Variants in OSBPL8 observed in about 807,000 individuals in gnomAD.
OSBPL8 encodes oxysterol-binding protein-related protein 8.
Under a neutral mutation model 125.5 loss-of-function variants are expected in OSBPL8, and 59 were observed. That is an observed-to-expected ratio of 0.47 (90% CI 0.38 to 0.58). OSBPL8 has a LOEUF of 0.58. Among genes scored for constraint, OSBPL8 ranks in the 20% least tolerant of loss-of-function variants. The pLI is 0.00. For missense variants in OSBPL8, 758 were observed against 1,047.8 expected, an observed-to-expected ratio of 0.72 and a Z score of 3.82; for synonymous variants, 330 against 338.9, an observed-to-expected ratio of 0.97 and a Z score of 0.29.
At chr12:76,513,846 T>C (rs903247099) in intron 1 of OSBPL8, among the ~76,000 whole-genome samples, 2 of 151,928 alleles carry the variant, frequency 1.3e-5, no homozygotes, top group African/African-American at 4.8e-5. Flanking sequence ...GGTGAGTCTT[T>C]TGAAGACAGC....
rs184262293 is a variant in OSBPL8 at position 76,458,253 on chromosome 12, G to A, written c.79+1606C>T. 2.0e-3 allele frequency among the ~76,000 whole-genome samples: 299 copies of A among 152,232 alleles called. 1 individual carries two copies. The highest frequency in any genetic ancestry group is 6.8e-3 in the African/African-American group (283 of 41,530). On this transcript the variant is annotated intron_variant, in intron 3 of 23. Coordinates refer to ENST00000261183, the MANE Select transcript of OSBPL8 (RefSeq NM_020841.5). ...TGTGCCACTGCACTCCAGCCTGGGT[G>A]TCAGAGTAAAACCCTGTCTCAAGAA...
At chr12:76,373,473 T>C in intron 17 of OSBPL8, 40 bp from the exon 18 acceptor site, 1 of 1,418,578 alleles carries the variant, frequency 7.0e-7, no homozygotes, top group Non-Finnish European at 9.8e-7. Context: ...ACTTTTCACT[T>C]ATATTTACAT....
intron 1 of OSBPL8, among the ~76,000 whole-genome samples, chr12:76,494,807 G>A (rs1011091906): frequency 5.9e-5 from 9 of 152,110 alleles, no homozygotes; most frequent in African/African-American, 9.7e-5. Flanking sequence ...TTTCATATTC[G>A]TGTGGGCCTG....
intron 4 of OSBPL8, among the ~76,000 whole-genome samples, chr12:76,418,010 CT>C (rs35319213): frequency 0.026 from 2,848 of 111,544 alleles, 26 homozygotes; most frequent in African/African-American, 0.055. Flanking sequence ...TTTTCACTAC[CT>C]TTTTTTTTTT....
chr12:76,398,948 A>C (rs1271441147), intron 7 of OSBPL8, among the ~76,000 whole-genome samples: 1 of 152,234 alleles, frequency 6.6e-6, no homozygotes, highest in African/African-American at 2.4e-5. Flanking sequence ...AAGGAAGGTA[A>C]GGCAGAGAAA....
chr12:76,439,575 A>G (rs1447451164), intron 4 of OSBPL8, among the ~76,000 whole-genome samples: 4 of 144,538 alleles, frequency 2.8e-5, no homozygotes, highest in Admixed American at 2.7e-4. Flanking sequence ...CTAATGTGAA[A>G]TTACCTTTTT....
intron 4 of OSBPL8, among the ~76,000 whole-genome samples, chr12:76,413,776 A>G (rs550175225): frequency 2.0e-5 from 3 of 152,102 alleles, no homozygotes; most frequent in South Asian, 2.1e-4. Flanking sequence ...CCTTTTGTAC[A>G]TTAAAAAAAA....
intron 1 of OSBPL8, among the ~76,000 whole-genome samples, chr12:76,543,833 T>G (rs1950709989): frequency 6.6e-6 from 1 of 152,180 alleles, no homozygotes; most frequent in Admixed American, 6.5e-5. Flanking sequence ...TCTGACAGGG[T>G]AGCTGCCCAG....
At chr12:76,410,285 A>C (rs1565873902) in intron 5 of OSBPL8, among the ~76,000 whole-genome samples, 1 of 152,136 alleles carries the variant, frequency 6.6e-6, no homozygotes, top group Non-Finnish European at 1.5e-5. Context: ...ATCTGAATGC[A>C]ATCCTCAGAC....
intron 2 of OSBPL8, among the ~76,000 whole-genome samples, chr12:76,467,067 T>G (rs1875533780): frequency 6.6e-6 from 1 of 152,222 alleles, no homozygotes; most frequent in African/African-American, 2.4e-5. Context: ...TTTTTCACAC[T>G]TTATATCCTT....
chr12:76,362,083 C>T (rs1303864157), intron 21 of OSBPL8, among the ~76,000 whole-genome samples: 1 of 152,094 alleles, frequency 6.6e-6, no homozygotes, highest in African/African-American at 2.4e-5. Flanking sequence ...AATAAGCAGG[C>T]AGGTTTGGCC....
chr12:76,363,787 A>G (rs941299002), intron 21 of OSBPL8, among the ~76,000 whole-genome samples: 2 of 152,238 alleles, frequency 1.3e-5, no homozygotes, highest in Admixed American at 6.5e-5. Flanking sequence ...TCCAGAATCT[A>G]CAAGGAACTT....
At chr12:76,420,038 C>A (rs888573350) in intron 4 of OSBPL8, among the ~76,000 whole-genome samples, 1 of 152,036 alleles carries the variant, frequency 6.6e-6, no homozygotes, top group Non-Finnish European at 1.5e-5. Flanking sequence ...CCACAAAATG[C>A]AAGTACTATC....
At position 76,369,813 on chromosome 12, in the gene OSBPL8, T is replaced by C. The variant is rs769011420; in HGVS notation, c.2064A>G (p.Gln688=). The C allele has an allele frequency of 1.9e-6, 3 of 1,612,722 alleles. No homozygotes were observed. The highest frequency in any genetic ancestry group is 2.2e-5 in the South Asian group (2 of 90,958). The change falls in exon 20 of 24, where the codon CAA becomes CAG. Residue 688 remains glutamine (Q), a synonymous_variant. Transcript: ENST00000261183. ...TGGCATTTATGGCTCGAGTTACCCG[T>C]TGCCAGAGTCTAATACATGTGCGAA... ...QGDFESEKLW[Q]RVTRAINAKD...
intron 1 of OSBPL8, among the ~76,000 whole-genome samples, chr12:76,536,340 A>G (rs1011310408): frequency 5.3e-5 from 8 of 152,104 alleles, no homozygotes; most frequent in African/African-American, 1.9e-4. Context: ...AAATACTAAA[A>G]TACTAAATAT....
intron 1 of OSBPL8, among the ~76,000 whole-genome samples, chr12:76,525,966 A>C (rs1450738264): frequency 6.6e-6 from 1 of 152,230 alleles, no homozygotes; most frequent in Non-Finnish European, 1.5e-5. Context: ...ACAAGGGAGC[A>C]CAGGAGAGCC....
intron 5 of OSBPL8, among the ~76,000 whole-genome samples, chr12:76,407,417 A>G (rs1954312550): frequency 6.6e-6 from 1 of 152,042 alleles, no homozygotes. Flanking sequence ...CACCCGGCTA[A>G]TTTTTGTATT....
chr12:76,557,611 TAAA>T (rs35658174), intron 1 of OSBPL8, among the ~76,000 whole-genome samples: 296 of 136,402 alleles, frequency 2.2e-3, no homozygotes, highest in African/African-American at 5.5e-3. Context: ...GAGACAGTCT[TAAA>T]AAAAAAAAAA....
chr12:76,385,918 G>A, intron 14 of OSBPL8: 1 of 368,876 alleles, frequency 2.7e-6, no homozygotes, highest in Non-Finnish European at 4.3e-6. Flanking sequence ...TTAAAAAAAG[G>A]GCAGGGGGCA....
Sources: gnomAD v4.1 joint callset for allele counts (sites outside exome capture counted in the v4.1 genomes callset) on GRCh38, gnomAD v4.1.1 for gene constraint, MANE v1.5 for transcripts, NCBI Gene and HGNC (gene_info 2026-07-23, HGNC 2026-07-21) for gene names.